Variants in MTAP observed in about 807,000 individuals in gnomAD.
MTAP encodes the protein methylthioadenosine phosphorylase.
Under a neutral mutation model 33.6 loss-of-function variants are expected in MTAP, and 33 were observed. That is an observed-to-expected ratio of 0.98 (90% CI 0.74 to 1.31). MTAP has a LOEUF of 1.31. Among genes scored for constraint, MTAP ranks in the 40% most tolerant of loss-of-function variants. The probability of loss-of-function intolerance (pLI) is 0.00; values close to 1 mark genes in which losing one functional copy is unlikely to be tolerated. For missense variants in MTAP, 367 were observed against 360.0 expected (o/e 1.02, Z -0.16); for synonymous variants, 148 against 125.7 (o/e 1.18, Z -1.19).
chr9:21,893,384 A>G (rs150152896), intron 1 of MTAP: 35 of 152,356 alleles, frequency 2.3e-4, no homozygotes, highest in African/African-American at 8.4e-4. Flanking sequence ...AGAAGGAGAA[A>G]AGAAATAACC....
chr9:21,802,725 T>C lies in MTAP; in HGVS notation c.-24T>C. The C allele has an allele frequency of 6.2e-7, 1 of 1,611,896 alleles. No individual in the cohort carries two copies. The highest frequency in any genetic ancestry group is 2.2e-5 in the East Asian group (1 of 44,796). Reference sequence around the variant, plus strand: ...CCCTTAGTCCCGAGCGCTCGCCCACTGCAGATTCCTTTCCCGTGCAGACAT... The same window carrying C: ...CCCTTAGTCCCGAGCGCTCGCCCACCGCAGATTCCTTTCCCGTGCAGACAT... On this transcript the variant is annotated 5_prime_UTR_variant, in exon 1 of 8. Coordinates refer to ENST00000644715, the MANE Select transcript of MTAP (RefSeq NM_002451.4).
intron 1 of MTAP, among the ~76,000 whole-genome samples, chr9:21,928,897 A>G (rs971457601): frequency 3.3e-5 from 5 of 151,600 alleles, no homozygotes; most frequent in Non-Finnish European, 7.4e-5. Flanking sequence ...TAGATGAAGA[A>G]ACTGCCAAAA....
At chr9:21,895,333 T>C (rs553978050) in intron 1 of MTAP, among the ~76,000 whole-genome samples, 4 of 152,222 alleles carry the variant, frequency 2.6e-5, no homozygotes, top group African/African-American at 9.6e-5. Context: ...TCCATTTTCA[T>C]ACTGCTATAA....
exon 8 of MTAP, chr9:21,937,633 C>T (rs1193462098): frequency 6.6e-6 from 1 of 152,158 alleles, no homozygotes; most frequent in African/African-American, 2.4e-5. Context: ...AGTTATTAAA[C>T]TTTCTCTATT....
At chr9:21,837,350 A>G (rs1346705648) in intron 4 of MTAP, among the ~76,000 whole-genome samples, 1 of 152,200 alleles carries the variant, frequency 6.6e-6, no homozygotes, top group East Asian at 1.9e-4. Context: ...AATGCAAGGT[A>G]AGTACCTTGT....
At chr9:21,826,020 C>G (rs192347395) in intron 4 of MTAP, among the ~76,000 whole-genome samples, 1 of 152,026 alleles carries the variant, frequency 6.6e-6, no homozygotes, top group Admixed American at 6.5e-5. Context: ...ATTTAGTTTC[C>G]TTACGTATTT....
At chr9:21,917,961 G>A (rs1818717506) in intron 1 of MTAP, among the ~76,000 whole-genome samples, 2 of 152,296 alleles carry the variant, frequency 1.3e-5, no homozygotes, top group South Asian at 4.1e-4. Context: ...AGAGCTGGAG[G>A]TCATTATTGT....
intron 4 of MTAP, among the ~76,000 whole-genome samples, chr9:21,819,284 T>A (rs1442123286): frequency 6.6e-6 from 1 of 152,112 alleles, no homozygotes; most frequent in Non-Finnish European, 1.5e-5. Context: ...ATGCTTTCCC[T>A]CCCCACTCCC....
chr9:21,819,191 G>A lies in MTAP; in HGVS notation c.347+989G>A, dbSNP rs545862421. On this transcript the variant is annotated intron_variant, in intron 4 of 7. Coordinates refer to ENST00000644715, the MANE Select transcript of MTAP (RefSeq NM_002451.4). The stretch of plus-strand genomic sequence containing the variant: ...GTTCTAGGGTACATGTGCACAACGT[G>A]CAGGTTTGTTACATATGTGTACATG... 1.2e-4 allele frequency among the ~76,000 whole-genome samples: 18 copies of A among 149,564 alleles called. 1 individual carries two copies. The South Asian group carries it at 1.9e-3, about 16-fold the overall frequency.
intron 1 of MTAP, among the ~76,000 whole-genome samples, chr9:21,872,708 G>A (rs201077425): frequency 6.6e-6 from 1 of 152,208 alleles, no homozygotes; most frequent in Admixed American, 6.5e-5. Flanking sequence ...AGTCTGTTCT[G>A]TGAGGTGTAG....
chr9:21,853,486 A>C (rs1187581246), intron 5 of MTAP, among the ~76,000 whole-genome samples: 1 of 152,224 alleles, frequency 6.6e-6, no homozygotes. Flanking sequence ...TCTGTTTCCC[A>C]TTGCAGTGGC....
intron 5 of MTAP, among the ~76,000 whole-genome samples, chr9:21,839,478 G>A (rs1252982830): frequency 6.6e-6 from 1 of 152,136 alleles, no homozygotes; most frequent in Non-Finnish European, 1.5e-5. Flanking sequence ...AGGTAGATGG[G>A]GAAAGCACAA....
At chr9:21,910,139 C>T (rs1563867307) in intron 1 of MTAP, among the ~76,000 whole-genome samples, 1 of 151,868 alleles carries the variant, frequency 6.6e-6, no homozygotes, top group South Asian at 2.1e-4. Flanking sequence ...ATAATATCTC[C>T]ATAAGAAGAT....
At chr9:21,907,993 G>A (rs944496698) in intron 1 of MTAP, among the ~76,000 whole-genome samples, 1 of 151,956 alleles carries the variant, frequency 6.6e-6, no homozygotes, top group African/African-American at 2.4e-5. Flanking sequence ...AGAAAAAAAA[G>A]GAAAAGAAAA....
Position 21,837,579 on chromosome 9 carries a change from T to C in MTAP, c.348-329T>C, listed in dbSNP as rs78818467. Among the ~76,000 whole-genome samples, 961 of 152,328 alleles carry C rather than the reference T, an allele frequency of 6.3e-3. 24 individuals carry two copies. Among genetic ancestry groups the C allele is most frequent in the East Asian group, 0.056 (291 of 5,182 alleles). ...CACGTCTGTGATGATGAAACATTTT[T>C]GTATTGACTTCTTAAGTGTCTTACC... On this transcript the variant is annotated intron_variant, in intron 4 of 7. Transcript: ENST00000644715.
intron 4 of MTAP, among the ~76,000 whole-genome samples, chr9:21,832,190 C>T (rs1563838789): frequency 6.6e-6 from 1 of 152,200 alleles, no homozygotes; most frequent in South Asian, 2.1e-4. Context: ...CCGCTATAAA[C>T]ACAGTGCTGA....
intron 4 of MTAP, among the ~76,000 whole-genome samples, chr9:21,820,014 T>C (rs928180370): frequency 6.6e-5 from 10 of 152,250 alleles, no homozygotes; most frequent in African/African-American, 2.4e-4. Context: ...GTAACTTTGT[T>C]TGAGTTCTTT....
intron 4 of MTAP, among the ~76,000 whole-genome samples, chr9:21,835,143 G>A: frequency 6.6e-6 from 1 of 152,096 alleles, no homozygotes; most frequent in Non-Finnish European, 1.5e-5. Context: ...TGGTAGAAGG[G>A]CGACCTAGCT....
Position 21,863,193 on chromosome 9 carries a change from A to G in MTAP, c.*1179A>G, listed in dbSNP as rs1328936962. The G allele has an allele frequency of 2.1e-6, 2 of 964,820 alleles. No individual in the cohort carries two copies. The highest frequency in any genetic ancestry group is 2.5e-6 in the Non-Finnish European group (2 of 811,334). 59.8% of individuals were successfully genotyped at this position (964,820 alleles called of 1,614,324 possible). On this transcript the variant is annotated 3_prime_UTR_variant, in exon 8 of 8. Transcript: ENST00000644715. ...CATTTTATGGTATCTGATATTTTAA[A>G]AAGTAATGTTTGATTCTCCTTTTTA... is the stretch of plus-strand genomic sequence containing the variant.
Sources: gnomAD v4.1 joint callset for allele counts (sites outside exome capture counted in the v4.1 genomes callset) on GRCh38, gnomAD v4.1.1 for gene constraint, MANE v1.5 for transcripts, NCBI Gene and HGNC (gene_info 2026-07-23, HGNC 2026-07-21) for gene names.